The following STK33 variants were observed in gnomAD, a reference collection of about 807,000 sequenced individuals.
The protein encoded by STK33 is serine/threonine kinase 33.
In STK33, 52 loss-of-function variants were observed where a neutral mutation model predicts 58.0. The ratio of observed to expected loss-of-function variants is 0.90; its 90% confidence interval spans 0.72 to 1.13. STK33 has a LOEUF of 1.13. STK33 is among the 50% of genes most tolerant of loss of function. STK33 has a pLI of 0.00. For synonymous variants in STK33, 215 were observed against 200.1 expected, an observed-to-expected ratio of 1.07 and a Z score of -0.63; for missense variants, 630 against 604.2, an observed-to-expected ratio of 1.04 and a Z score of -0.45.
chr11:8,491,241 G>T (rs1349245072), intron 1 of STK33, among the ~76,000 whole-genome samples: 1 of 152,152 alleles, frequency 6.6e-6, no homozygotes. Context: ...GTGTAGAAAA[G>T]AACTTAAATG....
At chr11:8,524,930 T>A (rs1953895882) in intron 1 of STK33, among the ~76,000 whole-genome samples, 3 of 152,068 alleles carry the variant, frequency 2.0e-5, no homozygotes, top group Admixed American at 2.0e-4. Flanking sequence ...ACTGCAGTGA[T>A]GGTTTCACAG....
At chr11:8,569,528 A>C (rs1957661758) in intron 1 of STK33, among the ~76,000 whole-genome samples, 1 of 152,226 alleles carries the variant, frequency 6.6e-6, no homozygotes, top group African/African-American at 2.4e-5. Context: ...GAAAACACAG[A>C]ATGTTTTTAT....
intron 1 of STK33, among the ~76,000 whole-genome samples, chr11:8,579,155 C>T (rs890219992): frequency 6.6e-6 from 1 of 151,890 alleles, no homozygotes; most frequent in Non-Finnish European, 1.5e-5. Context: ...CATTTTATAG[C>T]CACTAGAGAT....
chr11:8,562,831 A>G (rs925282863), intron 1 of STK33, among the ~76,000 whole-genome samples: 1 of 152,224 alleles, frequency 6.6e-6, no homozygotes, highest in African/African-American at 2.4e-5. Context: ...GGCACTGAAG[A>G]TACAGCAATG....
At chr11:8,384,717 T>C in the STK33 span, among the ~76,000 whole-genome samples, 1 of 152,200 alleles carries the variant, frequency 6.6e-6, no homozygotes, top group Non-Finnish European at 1.5e-5. Flanking sequence ...ATGGGCCCCT[T>C]GTCCTGTAAA....
chr11:8,524,186 C>T (rs906417418), intron 1 of STK33, among the ~76,000 whole-genome samples: 5 of 152,256 alleles, frequency 3.3e-5, no homozygotes, highest in Non-Finnish European at 5.9e-5. Flanking sequence ...GGCAGAAGGC[C>T]GCAGGGTCCT....
At chr11:8,352,899 C>CA in the STK33 span, among the ~76,000 whole-genome samples, 8 of 152,244 alleles carry the variant, frequency 5.3e-5, no homozygotes, top group African/African-American at 9.6e-5. Context: ...CCCATACCAC[C>CA]ACTCTTCCAG....
chr11:8,543,829 G>A (rs1456177321), intron 1 of STK33, among the ~76,000 whole-genome samples: 6 of 152,062 alleles, frequency 3.9e-5, no homozygotes, highest in Non-Finnish European at 7.4e-5. Context: ...CACATTGCAT[G>A]CATGTATCAA....
In STK33 at chr11:8,569,712, T is replaced by C. The variant is rs187081813; in HGVS notation, c.-466+24371A>G. 1.0e-3 allele frequency among the ~76,000 whole-genome samples: 158 copies of C among 152,256 alleles called. 10 individuals carry two copies. The highest frequency in any genetic ancestry group is 6.5e-4 in the Non-Finnish European group (44 of 68,022). ...TGGCTCACACTGGTAACCCCAGCACTTTGGGAGGCCAAGGCAGGCAGATCA... is the reference window on the plus strand; with the variant it reads ...TGGCTCACACTGGTAACCCCAGCACCTTGGGAGGCCAAGGCAGGCAGATCA... On this transcript the variant is annotated intron_variant, in intron 1 of 15. Transcript: ENST00000687296.
the STK33 span, among the ~76,000 whole-genome samples, chr11:8,365,159 T>G: frequency 1.3e-5 from 2 of 152,178 alleles, no homozygotes; most frequent in Non-Finnish European, 2.9e-5. Context: ...GAGTCAAACC[T>G]CTGGGGCCAC....
At chr11:8,347,305 C>T in the STK33 span, among the ~76,000 whole-genome samples, 76 of 152,330 alleles carry the variant, frequency 5.0e-4, no homozygotes, top group Admixed American at 1.0e-3. Context: ...GGACCAGCTC[C>T]CGGTGCCCAC....
rs78011972 is a variant in STK33 at position 8,487,011 on chromosome 11, A to G, written c.-465-6397T>C. 4.9e-3 allele frequency among the ~76,000 whole-genome samples: 747 copies of G among 152,336 alleles called. 2 individuals are homozygous for G. The highest frequency in any genetic ancestry group is 0.014 in the Middle Eastern group (4 of 294). On this transcript the variant is annotated intron_variant, in intron 1 of 15. Coordinates refer to ENST00000687296, the MANE Select transcript of STK33 (RefSeq NM_001352389.2). ...AGATCTGGAGTAAAATAACCAGTTCAGTTTGGGATGTGCCAAGTTTGCTTT... is the reference window on the plus strand; with the variant it reads ...AGATCTGGAGTAAAATAACCAGTTCGGTTTGGGATGTGCCAAGTTTGCTTT...
At chr11:8,405,958 T>C (rs1462464554) in intron 15 of STK33, among the ~76,000 whole-genome samples, 1 of 151,856 alleles carries the variant, frequency 6.6e-6, no homozygotes, top group African/African-American at 2.4e-5. Flanking sequence ...CTGGCTAACA[T>C]GGTGAAACCC....
Position 8,464,827 on chromosome 11 carries a change from A to AC in STK33, c.340-6_340-5insG. 4.6e-6 allele frequency: 7 copies of AC among 1,533,182 alleles called. No individual in the cohort carries two copies. Among genetic ancestry groups the AC allele is most frequent in the Non-Finnish European group, 6.3e-6 (7 of 1,116,098 alleles). 95.0% of individuals were successfully genotyped at this position (1,533,182 alleles called of 1,614,324 possible). ...TCTTCCAAAGGTATAGATTTCCTGG[A>AC]GAAAAAAAAAAAAAGAGTTGTCTCT... On this transcript the variant is annotated splice_region_variant and splice_polypyrimidine_tract_variant and intron_variant, in intron 6 of 15. Coordinates refer to ENST00000687296, the MANE Select transcript of STK33 (RefSeq NM_001352389.2).
In STK33 at chr11:8,488,744, G is replaced by A. The variant is rs371938429; in HGVS notation, c.-465-8130C>T. 5.3e-5 allele frequency among the ~76,000 whole-genome samples: 8 copies of A among 152,226 alleles called. No homozygotes were observed. In the East Asian group the frequency reaches 9.7e-4, roughly 18 times the overall value. ...GCAACAAAACACCCTGGGGAGGGGA[G>A]AGTATCTTATTTCCAGAGTTGCCAC... is the stretch of plus-strand genomic sequence containing the variant. On this transcript the variant is annotated intron_variant, in intron 1 of 15. Coordinates refer to ENST00000687296, the MANE Select transcript of STK33 (RefSeq NM_001352389.2).
At chr11:8,347,415 C>T in the STK33 span, among the ~76,000 whole-genome samples, 1 of 152,248 alleles carries the variant, frequency 6.6e-6, no homozygotes, top group African/African-American at 2.4e-5. Context: ...AACAAACGCT[C>T]CCCAAATCTC....
At chr11:8,534,688 T>C (rs781375570) in intron 1 of STK33, among the ~76,000 whole-genome samples, 1 of 151,912 alleles carries the variant, frequency 6.6e-6, no homozygotes, top group South Asian at 2.1e-4. Flanking sequence ...GATTCAACTT[T>C]GTAACATATT....
At position 8,452,687 on chromosome 11, in the gene STK33, C is replaced by A. The variant is rs1946421958; in HGVS notation, c.871+135G>T. On this transcript the variant is annotated intron_variant, in intron 11 of 15. Coordinates refer to ENST00000687296, the MANE Select transcript of STK33 (RefSeq NM_001352389.2). Reference sequence around the variant, plus strand: ...CCTGTGGTCCTAGCTACTTGAGAGGCTGAGGTGGGGGGATGGCTTGAGCCC... The same window carrying A: ...CCTGTGGTCCTAGCTACTTGAGAGGATGAGGTGGGGGGATGGCTTGAGCCC... 1.4e-5 allele frequency: 10 copies of A among 690,794 alleles called. No individual in the cohort carries two copies. In the South Asian group the frequency reaches 1.8e-4, roughly 13 times the overall value. The allele number at this position is 690,794 out of a possible 1,614,324, so 42.8% of individuals were successfully genotyped here.
At chr11:8,559,270 A>G (rs981582505) in intron 1 of STK33, among the ~76,000 whole-genome samples, 7 of 152,198 alleles carry the variant, frequency 4.6e-5, no homozygotes, top group African/African-American at 1.7e-4. Context: ...CAGCAGCCAT[A>G]TTATGACAAC....
Sources: gnomAD v4.1 joint callset for allele counts (sites outside exome capture counted in the v4.1 genomes callset) on GRCh38, gnomAD v4.1.1 for gene constraint, MANE v1.5 for transcripts, NCBI Gene and HGNC (gene_info 2026-07-23, HGNC 2026-07-21) for gene names.